Variants in FANK1 observed in about 807,000 individuals in gnomAD.
FANK1 encodes the protein fibronectin type 3 and ankyrin repeat domains protein 1.
A neutral mutation model predicts 45.3 loss-of-function variants in FANK1; 44 were observed. That is an observed-to-expected ratio of 0.97 (90% CI 0.76 to 1.25). The LOEUF is 1.25. Among genes scored for constraint, FANK1 ranks in the 50% most tolerant of loss-of-function variants. FANK1 has a pLI of 0.00. For synonymous variants in FANK1, 149 were observed against 152.5 expected, an observed-to-expected ratio of 0.98 and a Z score of 0.17; for missense variants, 391 against 424.4, an observed-to-expected ratio of 0.92 and a Z score of 0.69.
At chr10:126,009,173 G>A (rs757397723) in intron 9 of FANK1, 42 bp downstream of exon 9, 3 of 1,614,130 alleles carry the variant, frequency 1.9e-6, no homozygotes, top group South Asian at 2.2e-5. Flanking sequence ...CCTCGGAGGG[G>A]GAGAAAACAT....
At chr10:125,999,949 T>TCC (rs1412571249) in intron 6 of FANK1, among the ~76,000 whole-genome samples, 1 of 152,166 alleles carries the variant, frequency 6.6e-6, no homozygotes, top group Non-Finnish European at 1.5e-5. Flanking sequence ...TTGAAAAACT[T>TCC]AGACTTAATA....
chr10:125,950,773 G>T (rs1273108541), intron 1 of FANK1, among the ~76,000 whole-genome samples: 2 of 149,882 alleles, frequency 1.3e-5, no homozygotes, highest in African/African-American at 4.9e-5. Context: ...AAATCATGCT[G>T]CTATAAAGAC....
intron 1 of FANK1, chr10:125,973,040 G>C (rs2134193390): frequency 6.6e-6 from 1 of 152,378 alleles, no homozygotes; most frequent in Non-Finnish European, 1.5e-5. Context: ...GTAGCAGCTG[G>C]AAGTGGGCCT....
At chr10:125,999,268 C>G (rs1426269991) in intron 6 of FANK1, among the ~76,000 whole-genome samples, 2 of 146,478 alleles carry the variant, frequency 1.4e-5, no homozygotes. Flanking sequence ...GGCGCGATCT[C>G]AGCCCACTGC....
At chr10:126,005,072 C>G (rs778507432) in intron 7 of FANK1, 23 bp downstream of exon 7, 2 of 1,597,184 alleles carry the variant, frequency 1.3e-6, no homozygotes, top group African/African-American at 2.7e-5. Context: ...CCTTGTTAAC[C>G]ACGCACATAT....
intron 1 of FANK1, among the ~76,000 whole-genome samples, chr10:125,902,737 T>G (rs1945149744): frequency 6.6e-6 from 1 of 152,190 alleles, no homozygotes; most frequent in Admixed American, 6.5e-5. Flanking sequence ...TCATAAGACC[T>G]AAAAATCTTT....
chr10:125,989,062 T>C (rs187579105), intron 3 of FANK1, among the ~76,000 whole-genome samples: 4 of 152,088 alleles, frequency 2.6e-5, no homozygotes, highest in Non-Finnish European at 5.9e-5. Flanking sequence ...TCATATCCAT[T>C]TTAGACAACC....
At chr10:125,995,558 A>G (rs370543774) in intron 4 of FANK1, 60 bp downstream of exon 4, 82 of 1,480,080 alleles carry the variant, frequency 5.5e-5, no homozygotes, top group Non-Finnish European at 7.7e-5. Context: ...ATAGAAATAC[A>G]TGCAGTAGTT....
intron 1 of FANK1, among the ~76,000 whole-genome samples, chr10:125,965,685 C>T (rs1367094704): frequency 2.0e-5 from 3 of 152,172 alleles, no homozygotes; most frequent in African/African-American, 4.8e-5. Flanking sequence ...ACCCCATCAT[C>T]GTGAGGTTGA....
intron 7 of FANK1, among the ~76,000 whole-genome samples, chr10:126,005,754 G>C (rs951122051): frequency 6.6e-6 from 1 of 152,198 alleles, no homozygotes; most frequent in East Asian, 1.9e-4. Flanking sequence ...TGTGCTTCTT[G>C]TTACTTCTAA....
chr10:125,972,567 G>T (rs1950584268), intron 1 of FANK1, among the ~76,000 whole-genome samples: 1 of 152,130 alleles, frequency 6.6e-6, no homozygotes, highest in Non-Finnish European at 1.5e-5. Context: ...AAAATAACTA[G>T]CTCTTACCTG....
At chr10:125,902,476 G>A in intron 1 of FANK1, among the ~76,000 whole-genome samples, 1 of 152,098 alleles carries the variant, frequency 6.6e-6, no homozygotes, top group Non-Finnish European at 1.5e-5. Context: ...AAAAAAGAAA[G>A]CCATTTTATT....
chr10:125,947,246 C>T (rs1948871597), intron 1 of FANK1, among the ~76,000 whole-genome samples: 1 of 151,094 alleles, frequency 6.6e-6, no homozygotes, highest in African/African-American at 2.4e-5. Flanking sequence ...ATGACAGGAT[C>T]AAATTCACAC....
chr10:125,959,072 T>C lies in FANK1; in HGVS notation c.14-21089T>C, dbSNP rs113608080. Among the ~76,000 whole-genome samples the C allele has an allele frequency of 5.0e-3, 755 of 152,298 alleles. 8 individuals are homozygous for C. Among genetic ancestry groups the C allele is most frequent in the African/African-American group, 0.017 (687 of 41,548 alleles). On this transcript the variant is annotated intron_variant, in intron 1 of 10. Transcript: ENST00000368693. ...TTACTTTGTTTTTAACTATTTACAA[T>C]GTTCTTCGAGTCATATTTAAACATT... is the stretch of plus-strand genomic sequence containing the variant.
chr10:126,000,972 AAAAT>A (rs1170454254), intron 6 of FANK1, among the ~76,000 whole-genome samples: 3 of 129,668 alleles, frequency 2.3e-5, no homozygotes, highest in Non-Finnish European at 5.4e-5. Context: ...TGGTGACTAA[AAAAT>A]AATCATGTTG....
At chr10:125,897,326 C>G (rs1425251681) in intron 1 of FANK1, among the ~76,000 whole-genome samples, 1 of 152,302 alleles carries the variant, frequency 6.6e-6, no homozygotes, top group Non-Finnish European at 1.5e-5. Context: ...AACACGAGCT[C>G]TAACTTACTA....
intron 1 of FANK1, among the ~76,000 whole-genome samples, chr10:125,912,215 C>A (rs1322397193): frequency 6.6e-6 from 1 of 152,150 alleles, no homozygotes; most frequent in Non-Finnish European, 1.5e-5. Context: ...TGGAGGCAGC[C>A]ACTCCTCATC....
chr10:125,955,873 A>G (rs1011456218), intron 1 of FANK1, among the ~76,000 whole-genome samples: 1 of 152,182 alleles, frequency 6.6e-6, no homozygotes, highest in African/African-American at 2.4e-5. Context: ...CCAAGTACAA[A>G]AGAATCTATG....
At chr10:125,953,598 C>A (rs1180481896) in intron 1 of FANK1, among the ~76,000 whole-genome samples, 2 of 152,206 alleles carry the variant, frequency 1.3e-5, no homozygotes, top group Non-Finnish European at 1.5e-5. Context: ...ACAAAGTGAG[C>A]AGCTTGTGAA....
Sources: allele counts gnomAD v4.1 joint callset (sites outside exome capture counted in the v4.1 genomes callset), GRCh38; gene constraint gnomAD v4.1.1; transcripts MANE v1.5; gene names NCBI Gene and HGNC (gene_info 2026-07-23, HGNC 2026-07-21).